Variants in SIPA1L3 observed in about 807,000 individuals in gnomAD.
SIPA1L3 encodes the protein signal induced proliferation associated 1 like 3.
Under a neutral mutation model 150.1 loss-of-function variants are expected in SIPA1L3, and 59 were observed. That is an observed-to-expected ratio of 0.39 (90% CI 0.32 to 0.49). SIPA1L3 has a LOEUF of 0.49. Ranked by LOEUF, SIPA1L3 falls within the 20% of genes least tolerant of loss-of-function variation. SIPA1L3 has a pLI of 0.86. For synonymous variants in SIPA1L3, 1,070 were observed against 1,077.6 expected (o/e 0.99, Z 0.14); for missense variants, 2,211 against 2,489.5 (o/e 0.89, Z 2.38).
chr19:37,956,181 C>A (rs2046808907), intron 1 of SIPA1L3, among the ~76,000 whole-genome samples: 1 of 152,172 alleles, frequency 6.6e-6, no homozygotes, highest in Non-Finnish European at 1.5e-5. Flanking sequence ...TTATCCTCAC[C>A]AACGCTTATT....
chr19:38,027,869 C>T (rs1968549481), intron 1 of SIPA1L3, among the ~76,000 whole-genome samples: 1 of 151,972 alleles, frequency 6.6e-6, no homozygotes, highest in African/African-American at 2.4e-5. Flanking sequence ...GCTAGTGGGT[C>T]CCTTATGAAT....
chr19:38,030,423 G>A (rs1178125119), intron 2 of SIPA1L3, among the ~76,000 whole-genome samples: 2 of 151,890 alleles, frequency 1.3e-5, no homozygotes, highest in African/African-American at 2.4e-5. Flanking sequence ...TTAGCTGGGC[G>A]TGGTGATGCA....
chr19:38,178,637 A>G (rs892380013), intron 15 of SIPA1L3, among the ~76,000 whole-genome samples: 1 of 151,804 alleles, frequency 6.6e-6, no homozygotes, highest in Non-Finnish European at 1.5e-5. Flanking sequence ...CACCATGCCC[A>G]GCTAATTTTT....
intron 4 of SIPA1L3, among the ~76,000 whole-genome samples, chr19:38,089,612 A>G (rs751210531): frequency 5.1e-4 from 77 of 152,230 alleles, no homozygotes; most frequent in Non-Finnish European, 7.8e-4. Context: ...TGTTATGCCA[A>G]TCAGCTCAAG....
In SIPA1L3 at chr19:37,923,756, GT is replaced by G. The variant is rs1240766723; in HGVS notation, c.-379+16410del. On this transcript the variant is annotated intron_variant, in intron 1 of 21. Transcript: ENST00000222345. ...ACTTCTAAATTTCTTAACTGTTTGG[GT>G]TTTTTTTTTTTCTTTTTTTTGAGAC... Among the ~76,000 whole-genome samples, 607 of 145,968 alleles carry G rather than the reference GT, an allele frequency of 4.2e-3. 5 individuals are homozygous for G. The highest frequency in any genetic ancestry group is 0.014 in the African/African-American group (548 of 40,030).
intron 15 of SIPA1L3, among the ~76,000 whole-genome samples, chr19:38,170,997 T>C (rs971452683): frequency 6.6e-6 from 1 of 152,118 alleles, no homozygotes; most frequent in Non-Finnish European, 1.5e-5. Context: ...GGCCTCAATA[T>C]ATGTTGTGAA....
intron 7 of SIPA1L3, chr19:38,108,572 A>G (rs1297222044): frequency 1.3e-5 from 2 of 152,248 alleles, no homozygotes; most frequent in African/African-American, 4.8e-5. Context: ...TTGAGCTGCA[A>G]AGCGTGTCTG....
intron 8 of SIPA1L3, among the ~76,000 whole-genome samples, chr19:38,118,378 T>C (rs1238009825): frequency 6.8e-6 from 1 of 146,746 alleles, no homozygotes; most frequent in East Asian, 2.0e-4. Flanking sequence ...TGAGCCGAGA[T>C]TGCGCCACTG....
At chr19:37,981,628 A>G (rs1205800708) in intron 1 of SIPA1L3, among the ~76,000 whole-genome samples, 1 of 152,096 alleles carries the variant, frequency 6.6e-6, no homozygotes, top group Admixed American at 6.6e-5. Context: ...TCTGCTGTAC[A>G]GTATTGTCAG....
At chr19:38,028,881 A>T (rs1968577663) in intron 1 of SIPA1L3, among the ~76,000 whole-genome samples, 1 of 151,924 alleles carries the variant, frequency 6.6e-6, no homozygotes, top group Admixed American at 6.6e-5. Context: ...TTTAGTAGAG[A>T]TGGGGTTTTG....
intron 1 of SIPA1L3, among the ~76,000 whole-genome samples, chr19:38,013,628 G>A (rs1252502936): frequency 6.6e-6 from 1 of 152,188 alleles, no homozygotes; most frequent in African/African-American, 2.4e-5. Flanking sequence ...ATTCCGAAAT[G>A]TAACCATGTA....
intron 13 of SIPA1L3, among the ~76,000 whole-genome samples, chr19:38,160,783 C>G (rs1214984299): frequency 6.6e-6 from 1 of 152,198 alleles, no homozygotes; most frequent in Non-Finnish European, 1.5e-5. Flanking sequence ...CTGTCCCACA[C>G]ACAATCCCAC....
At chr19:37,937,867 A>G (rs986967464) in intron 1 of SIPA1L3, among the ~76,000 whole-genome samples, 1 of 151,474 alleles carries the variant, frequency 6.6e-6, no homozygotes, top group Admixed American at 6.6e-5. Context: ...CTACATGGTG[A>G]AACCCCATCT....
chr19:38,141,057 CAAAAAAAAAAAAAA>C, intron 10 of SIPA1L3, 113 bp from the exon 11 acceptor site: 3 of 391,672 alleles, frequency 7.7e-6, no homozygotes, highest in Non-Finnish European at 1.1e-5. Context: ...GACTCTGTCT[CAAAAAAAAAAAAAA>C]AAAAAAAAAA....
At chr19:37,929,901 C>G (rs1019893697) in intron 1 of SIPA1L3, among the ~76,000 whole-genome samples, 3 of 152,140 alleles carry the variant, frequency 2.0e-5, no homozygotes, top group Non-Finnish European at 2.9e-5. Context: ...TTCTGTCACC[C>G]AGGCTAGAGT....
At chr19:38,189,774 T>G (rs1487993160) in intron 16 of SIPA1L3, among the ~76,000 whole-genome samples, 1 of 151,914 alleles carries the variant, frequency 6.6e-6, no homozygotes, top group East Asian at 1.9e-4. Context: ...TCAAAAAAAA[T>G]AGAAAAAGAA....
intron 15 of SIPA1L3, 129 bp from the exon 16 acceptor site, chr19:38,182,390 G>A: frequency 7.0e-6 from 5 of 717,492 alleles, no homozygotes; most frequent in East Asian, 2.5e-5. Context: ...TTTCCACAGC[G>A]GTAATATATT....
intron 17 of SIPA1L3, 102 bp downstream of exon 17, chr19:38,192,412 C>G: frequency 1.8e-6 from 2 of 1,128,614 alleles, no homozygotes; most frequent in Non-Finnish European, 2.5e-6. Flanking sequence ...GTCACGCCAG[C>G]TCCTTCCCGT....
At chr19:37,986,949 A>T (rs1210287742) in intron 1 of SIPA1L3, among the ~76,000 whole-genome samples, 1 of 152,014 alleles carries the variant, frequency 6.6e-6, no homozygotes, top group African/African-American at 2.4e-5. Flanking sequence ...GCTTTTTGAG[A>T]TAGAGTCTCA....
Sources: allele counts gnomAD v4.1 joint callset (sites outside exome capture counted in the v4.1 genomes callset), GRCh38; gene constraint gnomAD v4.1.1; transcripts MANE v1.5; gene names NCBI Gene and HGNC (gene_info 2026-07-23, HGNC 2026-07-21).